Variants in ULK4 observed in about 807,000 individuals in gnomAD.
The protein encoded by ULK4 is unc-51 like kinase 4.
A neutral mutation model predicts 160.6 loss-of-function variants in ULK4; 133 were observed. The observed-to-expected ratio is 0.83, with a 90% confidence interval of 0.72 to 0.96. The LOEUF is 0.96. Ranked by LOEUF, ULK4 falls within the 40% of genes least tolerant of loss-of-function variation. The pLI is 0.00. For synonymous variants in ULK4, 534 were observed against 539.8 expected, an observed-to-expected ratio of 0.99 and a Z score of 0.15; for missense variants, 1,580 against 1,499.5, an observed-to-expected ratio of 1.05 and a Z score of -0.89.
At chr3:41,838,813 T>C (rs1192161621) in intron 17 of ULK4, among the ~76,000 whole-genome samples, 1 of 152,120 alleles carries the variant, frequency 6.6e-6, no homozygotes, top group East Asian at 1.9e-4. Flanking sequence ...AACACCCCCC[T>C]CTCATGCACA....
At chr3:41,331,092 G>C (rs977991592) in intron 35 of ULK4, among the ~76,000 whole-genome samples, 1 of 152,216 alleles carries the variant, frequency 6.6e-6, no homozygotes, top group Non-Finnish European at 1.5e-5. Flanking sequence ...GTAGCCACTT[G>C]GGTGAAAGAA....
chr3:41,558,909 G>A (rs1346771356), intron 32 of ULK4, among the ~76,000 whole-genome samples: 1 of 147,478 alleles, frequency 6.8e-6, no homozygotes, highest in African/African-American at 2.5e-5. Context: ...AAGTTTTAGG[G>A]TACATGTGCA....
At chr3:41,431,688 A>G (rs2082913472) in intron 34 of ULK4, among the ~76,000 whole-genome samples, 1 of 151,128 alleles carries the variant, frequency 6.6e-6, no homozygotes, top group African/African-American at 2.4e-5. Flanking sequence ...AATGCCCTAT[A>G]TTTCCTGCCA....
At chr3:41,726,437 A>G (rs922350149) in intron 22 of ULK4, among the ~76,000 whole-genome samples, 4 of 152,260 alleles carry the variant, frequency 2.6e-5, no homozygotes, top group African/African-American at 9.6e-5. Context: ...TATAAAGGAG[A>G]CAAAATGTGG....
chr3:41,795,368 CTT>C (rs973723602), intron 20 of ULK4, among the ~76,000 whole-genome samples: 3 of 152,122 alleles, frequency 2.0e-5, no homozygotes, highest in Non-Finnish European at 4.4e-5. Context: ...GCCTATTCCT[CTT>C]TGTCTCCCAG....
chr3:41,542,000 C>A (rs1242100971), intron 32 of ULK4, among the ~76,000 whole-genome samples: 1 of 152,018 alleles, frequency 6.6e-6, no homozygotes, highest in Non-Finnish European at 1.5e-5. Context: ...TATTTGAATA[C>A]CCTTTATTTC....
At chr3:41,739,896 A>T (rs541906184) in intron 22 of ULK4, among the ~76,000 whole-genome samples, 1 of 152,022 alleles carries the variant, frequency 6.6e-6, no homozygotes, top group African/African-American at 2.4e-5. Flanking sequence ...ATATCTATTC[A>T]TATCATTATG....
At chr3:41,794,568 G>A (rs889526435) in intron 20 of ULK4, among the ~76,000 whole-genome samples, 3 of 147,474 alleles carry the variant, frequency 2.0e-5, no homozygotes, top group Non-Finnish European at 4.5e-5. Flanking sequence ...GGCTGAGGCA[G>A]GAGAATCGCT....
chr3:41,671,617 A>G (rs903585459), intron 29 of ULK4, among the ~76,000 whole-genome samples: 5 of 152,098 alleles, frequency 3.3e-5, no homozygotes, highest in Non-Finnish European at 5.9e-5. Context: ...GTATAAAACC[A>G]CTAAAAGAAA....
intron 19 of ULK4, among the ~76,000 whole-genome samples, chr3:41,801,620 T>C (rs567383456): frequency 6.6e-6 from 1 of 150,944 alleles, no homozygotes; most frequent in East Asian, 1.9e-4. Flanking sequence ...GAGGCCAAGA[T>C]GGGAGAATCA....
At chr3:41,602,637 T>G (rs2032173577) in intron 31 of ULK4, among the ~76,000 whole-genome samples, 1 of 152,110 alleles carries the variant, frequency 6.6e-6, no homozygotes, top group Non-Finnish European at 1.5e-5. Flanking sequence ...TATAAAAATT[T>G]TTAATAGCAG....
chr3:41,331,718 A>G (rs181118315), intron 35 of ULK4, among the ~76,000 whole-genome samples: 16 of 152,234 alleles, frequency 1.1e-4, no homozygotes, highest in African/African-American at 3.6e-4. Context: ...AGAATCTCTA[A>G]AGTTGTTTTG....
intron 34 of ULK4, among the ~76,000 whole-genome samples, chr3:41,454,823 G>A (rs1233906240): frequency 6.6e-6 from 1 of 151,874 alleles, no homozygotes; most frequent in Non-Finnish European, 1.5e-5. Flanking sequence ...CTCCCGAGTA[G>A]CTGGAATTAC....
intron 32 of ULK4, among the ~76,000 whole-genome samples, chr3:41,500,688 G>A (rs933928936): frequency 2.0e-5 from 3 of 152,056 alleles, no homozygotes; most frequent in African/African-American, 4.8e-5. Flanking sequence ...GCCAACAGAT[G>A]GTACCAAGCA....
intron 30 of ULK4, among the ~76,000 whole-genome samples, chr3:41,628,480 T>A (rs2033615382): frequency 1.3e-5 from 2 of 152,158 alleles, no homozygotes; most frequent in Non-Finnish European, 2.9e-5. Context: ...CAAAAATGCA[T>A]GACCTCAATC....
intron 34 of ULK4, among the ~76,000 whole-genome samples, chr3:41,402,830 G>T (rs1056456506): frequency 1.3e-5 from 2 of 152,092 alleles, no homozygotes; most frequent in African/African-American, 4.8e-5. Flanking sequence ...TCTTAGTTTA[G>T]TATCAGGGTA....
At chr3:41,342,750 T>C (rs144194074) in intron 35 of ULK4, among the ~76,000 whole-genome samples, 48 of 152,302 alleles carry the variant, frequency 3.2e-4, no homozygotes, top group African/African-American at 1.0e-3. Flanking sequence ...ATATCCCCGA[T>C]GAACACCGAT....
chr3:41,473,836 T>C (rs1375472714), intron 32 of ULK4, among the ~76,000 whole-genome samples: 3 of 151,704 alleles, frequency 2.0e-5, no homozygotes, highest in Non-Finnish European at 4.4e-5. Flanking sequence ...AGAAAAGAAA[T>C]TAACAAAGAC....
intron 21 of ULK4, among the ~76,000 whole-genome samples, chr3:41,780,333 G>A (rs1189280020): frequency 3.3e-5 from 5 of 151,522 alleles, no homozygotes; most frequent in Non-Finnish European, 7.4e-5. Context: ...GTGCATGATG[G>A]TGTATGCTAT....
Sources: allele counts gnomAD v4.1 joint callset (sites outside exome capture counted in the v4.1 genomes callset), GRCh38; gene constraint gnomAD v4.1.1; transcripts MANE v1.5; gene names NCBI Gene and HGNC (gene_info 2026-07-23, HGNC 2026-07-21).